Variants in MTSS2 observed in about 807,000 individuals in gnomAD.
MTSS2 encodes protein MTSS 2.
MTSS2 carries 27 observed loss-of-function variants against 67.1 expected under a neutral mutation model. That is an observed-to-expected ratio of 0.40 (90% CI 0.30 to 0.55). The LOEUF is 0.55. Ranked by LOEUF, MTSS2 falls within the 20% of genes least tolerant of loss-of-function variation. MTSS2 has a pLI of 0.43. For missense variants in MTSS2, 1,171 were observed against 1,067.8 expected (o/e 1.10, Z -1.35); for synonymous variants, 624 against 468.6 (o/e 1.33, Z -4.28).
chr16:70,664,620 A>T lies in MTSS2; in HGVS notation c.1449T>A (p.Ser483=). Residue 483 remains serine, a synonymous_variant, in exon 14 of 15, where the codon TCT becomes TCA. Transcript: ENST00000338779. ...YSTQTTTPSC[S]EDTIPSQGSD... is the part of the protein sequence containing the mutation. ...TGCCTTGGGAGGGGATGGTGTCCTC[A>T]GAGCAGGAGGGCGTGGTGGTCTGCG... 6.2e-7 allele frequency: 1 copy of T among 1,613,060 alleles called. No individual in the cohort carries two copies. The highest frequency in any genetic ancestry group is 8.5e-7 in the Non-Finnish European group (1 of 1,179,826).
At chr16:70,664,840 TG>T in intron 13 of MTSS2, 77 bp from the exon 14 acceptor site, 2 of 1,520,392 alleles carry the variant, frequency 1.3e-6, no homozygotes. Context: ...CCCTGCCAGG[TG>T]GTTGGAGCCG....
chr16:70,674,753 A>T (rs559467904), intron 10 of MTSS2, among the ~76,000 whole-genome samples: 1 of 152,270 alleles, frequency 6.6e-6, no homozygotes, highest in Admixed American at 6.5e-5. Context: ...CCCAGTGCTG[A>T]GGGGAGCCGT....
At chr16:70,676,854 A>G (rs2053132227) in intron 10 of MTSS2, 27 bp downstream of exon 10, 1 of 1,600,260 alleles carries the variant, frequency 6.2e-7, no homozygotes, top group African/African-American at 1.3e-5. Flanking sequence ...CGCCCCCCAC[A>G]CCCCTGGGAA....
At chr16:70,669,498 C>T (rs1052669358) in intron 11 of MTSS2, among the ~76,000 whole-genome samples, 2 of 152,116 alleles carry the variant, frequency 1.3e-5, no homozygotes, top group Non-Finnish European at 2.9e-5. Context: ...GCCTGGGCAA[C>T]ATAGCAAGAC....
chr16:70,677,770 C>G, intron 9 of MTSS2, 22 bp downstream of exon 9: 1 of 1,586,408 alleles, frequency 6.3e-7, no homozygotes, highest in Non-Finnish European at 8.6e-7. Context: ...GGCCCTGGCC[C>G]TTGGCCAGAG....
intron 10 of MTSS2, among the ~76,000 whole-genome samples, chr16:70,676,123 G>T (rs78804127): frequency 6.6e-6 from 1 of 152,172 alleles, no homozygotes; most frequent in African/African-American, 2.4e-5. Flanking sequence ...CTGGGGAGAG[G>T]GGTGCCTGGC....
intron 11 of MTSS2, among the ~76,000 whole-genome samples, chr16:70,672,933 G>C (rs2052992215): frequency 6.6e-6 from 1 of 152,132 alleles, no homozygotes; most frequent in Non-Finnish European, 1.5e-5. Context: ...GGCTAAGGCA[G>C]GCAGATCCCT....
intron 6 of MTSS2, 33 bp downstream of exon 6, chr16:70,679,597 G>C: frequency 1.9e-6 from 3 of 1,571,372 alleles, no homozygotes; most frequent in Non-Finnish European, 2.6e-6. Flanking sequence ...CGGGGCCGTG[G>C]GGCTGTGGCT....
chr16:70,664,222 T>C lies in MTSS2; in HGVS notation c.1699A>G (p.Thr567Ala), dbSNP rs775560925. The C allele has an allele frequency of 3.8e-6, 6 of 1,579,470 alleles. No homozygotes were observed. The South Asian group carries it at 6.8e-5, about 18-fold the overall frequency. The change falls in exon 15 of 15, where the codon ACA becomes GCA. Residue 567 changes from threonine to alanine, a missense_variant. Transcript: ENST00000338779. The stretch of plus-strand genomic sequence containing the variant: ...CGCACGGTGGGCTTGGTGGAGGGTG[T>C]GCGGCGGATGGTGGCCACGCCGGGG... ...APPGVATIRR[T>A]PSTKPTVRRA...
At chr16:70,665,756 C>G in intron 11 of MTSS2, 1 of 494,652 alleles carries the variant, frequency 2.0e-6, no homozygotes, top group Non-Finnish European at 3.6e-6. Flanking sequence ...AACGCTGACC[C>G]ACCTGACAGC....
intron 11 of MTSS2, among the ~76,000 whole-genome samples, chr16:70,671,058 G>A (rs774259628): frequency 4.0e-5 from 6 of 151,526 alleles, no homozygotes; most frequent in Non-Finnish European, 8.8e-5. Flanking sequence ...AGCACTGCTG[G>A]CTTCAGGAGT....
intron 3 of MTSS2, 152 bp from the exon 4 acceptor site, chr16:70,680,207 C>CGG (rs1459536219): frequency 3.7e-6 from 1 of 267,812 alleles, no homozygotes; most frequent in African/African-American, 2.3e-5. Flanking sequence ...CTGGGGGATT[C>CGG]GGGGCCTCCT....
At chr16:70,676,016 A>T (rs2053104945) in intron 10 of MTSS2, among the ~76,000 whole-genome samples, 1 of 152,094 alleles carries the variant, frequency 6.6e-6, no homozygotes, top group Non-Finnish European at 1.5e-5. Flanking sequence ...TCACTGTGGG[A>T]CGGCCACCCA....
chr16:70,672,681 C>CAAAAAAAAAAAAAA (rs60173167), intron 11 of MTSS2, among the ~76,000 whole-genome samples: 1 of 117,574 alleles, frequency 8.5e-6, no homozygotes, highest in Non-Finnish European at 1.8e-5. Flanking sequence ...GGTTAAATAG[C>CAAAAAAAAAAAAAA]AAAAAAAAAA....
At position 70,664,879 on chromosome 16, in the gene MTSS2, G is replaced by C. The variant is rs757924802; in HGVS notation, c.1305+41C>G. ...CCTGAGGCCACTGGCTGGGCCTCCTGGGACTGACCTGGGCGTGAAGGGGGG... is the reference window on the plus strand; with the variant it reads ...CCTGAGGCCACTGGCTGGGCCTCCTCGGACTGACCTGGGCGTGAAGGGGGG... On this transcript the variant is annotated intron_variant, in intron 13 of 14. Coordinates refer to ENST00000338779, the MANE Select transcript of MTSS2 (RefSeq NM_138383.3). The C allele has an allele frequency of 2.8e-5, 42 of 1,520,346 alleles. No homozygotes were observed. The African/African-American group carries it at 4.2e-4, about 15-fold the overall frequency. The allele number at this position is 1,520,346 out of a possible 1,614,324, so 94.2% of individuals were successfully genotyped here.
rs762308150 is a variant in MTSS2, at chr16:70,664,064, G to C, written c.1857C>G (p.Thr619=). 11 of 1,611,212 alleles carry C rather than the reference G, an allele frequency of 6.8e-6. No individual in the cohort carries two copies. Among genetic ancestry groups the C allele is most frequent in the African/African-American group, 1.3e-5 (1 of 74,906 alleles). The change falls in exon 15 of 15, where the codon ACC becomes ACG. Residue 619 remains threonine (T), a synonymous_variant. Transcript: ENST00000338779. ...RAGSEECVFY[T]DETASPLAPD... ...GTGCCAGGGGTGAGGCGGTCTCGTC[G>C]GTATAGAAGACGCACTCCTCACTGC...
rs758897143 is a variant in MTSS2 at position 70,677,896 on chromosome 16, C to T, written c.628G>A (p.Gly210Arg). ...FITFLQPVVN[G>R]ELTMLGEITH... is the part of the protein sequence containing the mutation. ...ATCTCTCCCAGCATGGTCAGCTCTCCATTCTGAGGAAGCAGCGAGTCAGAC... is the reference window on the plus strand; with the variant it reads ...ATCTCTCCCAGCATGGTCAGCTCTCTATTCTGAGGAAGCAGCGAGTCAGAC... Residue 210 changes from glycine (G) to arginine (R), a missense_variant, in exon 9 of 15, where the codon GGA (glycine) becomes AGA (arginine). Gly to Arg is a moderately radical substitution (Grantham distance 125). Transcript: ENST00000338779. 1 of 1,604,500 alleles carries T rather than the reference C, an allele frequency of 6.2e-7. No individual in the cohort carries two copies. The highest frequency in any genetic ancestry group is 2.2e-5 in the East Asian group (1 of 44,566).
At chr16:70,677,040 G>T in intron 9 of MTSS2, 62 bp from the exon 10 acceptor site, 1 of 1,231,354 alleles carries the variant, frequency 8.1e-7, no homozygotes. Flanking sequence ...AGGGCCAGAG[G>T]CCCCCCCCCA....
At chr16:70,683,353 G>A (rs1030837574) in intron 1 of MTSS2, among the ~76,000 whole-genome samples, 10 of 152,190 alleles carry the variant, frequency 6.6e-5, no homozygotes, top group Non-Finnish European at 1.3e-4. Flanking sequence ...AGCACTCCTC[G>A]CAGCGCCCAG....
Sources: allele counts gnomAD v4.1 joint callset (sites outside exome capture counted in the v4.1 genomes callset), GRCh38; gene constraint gnomAD v4.1.1; transcripts MANE v1.5; gene names NCBI Gene and HGNC (gene_info 2026-07-23, HGNC 2026-07-21).